LRRC4C: variants seen among roughly 807,000 people sequenced by gnomAD.
LRRC4C encodes the protein leucine-rich repeat-containing protein 4C.
Under a neutral mutation model 33.6 loss-of-function variants are expected in LRRC4C, and 5 were observed. The ratio of observed to expected loss-of-function variants is 0.15; its 90% CI spans 0.08 to 0.31. LRRC4C has a LOEUF of 0.31. Ranked by LOEUF, LRRC4C falls within the 10% of genes least tolerant of loss-of-function variation. LRRC4C has a pLI of 1.00. For synonymous variants in LRRC4C, 329 were observed against 302.0 expected, an observed-to-expected ratio of 1.09 and a Z score of -0.93; for missense variants, 560 against 796.7, an observed-to-expected ratio of 0.70 and a Z score of 3.58.
At chr11:41,317,271 A>G (rs1950824724) in intron 1 of LRRC4C, among the ~76,000 whole-genome samples, 1 of 152,140 alleles carries the variant, frequency 6.6e-6, no homozygotes, top group African/African-American at 2.4e-5. Flanking sequence ...TAACCTTAAA[A>G]TGAGAAAGAA....
At chr11:40,753,698 C>T (rs1948806337) in intron 2 of LRRC4C, among the ~76,000 whole-genome samples, 1 of 151,664 alleles carries the variant, frequency 6.6e-6, no homozygotes. Flanking sequence ...AATTGTTTTT[C>T]CTATTGGGTA....
intron 3 of LRRC4C, among the ~76,000 whole-genome samples, chr11:40,553,920 T>TGTG (rs748052285): frequency 0.03 from 4,602 of 152,180 alleles, 176 homozygotes; most frequent in African/African-American, 0.094. Context: ...AGTTTCTTTT[T>TGTG]TGTGTGTGTG....
intron 2 of LRRC4C, among the ~76,000 whole-genome samples, chr11:40,875,350 CAAAT>C (rs768450138): frequency 1.3e-5 from 2 of 152,054 alleles, no homozygotes; most frequent in Non-Finnish European, 2.9e-5. Context: ...TTAAAATTCT[CAAAT>C]AAGAAAGCAG....
At chr11:40,813,682 C>T (rs1198980983) in intron 2 of LRRC4C, among the ~76,000 whole-genome samples, 1 of 151,990 alleles carries the variant, frequency 6.6e-6, no homozygotes. Flanking sequence ...GTCTCATCTG[C>T]CTATGATCCT....
intron 5 of LRRC4C, among the ~76,000 whole-genome samples, chr11:40,194,958 G>A (rs1303674461): frequency 1.3e-5 from 2 of 152,004 alleles, no homozygotes; most frequent in Admixed American, 6.5e-5. Context: ...GGGTGTGGTG[G>A]CGGGAGCCTG....
intron 3 of LRRC4C, among the ~76,000 whole-genome samples, chr11:40,642,900 CA>C (rs1942211297): frequency 6.6e-6 from 1 of 152,106 alleles, no homozygotes; most frequent in East Asian, 1.9e-4. Context: ...AAAATATCTA[CA>C]AAAATGCTTC....
chr11:41,396,271 G>A (rs573745195), intron 1 of LRRC4C, among the ~76,000 whole-genome samples: 5 of 152,138 alleles, frequency 3.3e-5, no homozygotes, highest in African/African-American at 1.2e-4. Context: ...CTAAAAACAA[G>A]AAGTTGTGGT....
At chr11:40,753,938 A>G (rs1270276194) in intron 2 of LRRC4C, among the ~76,000 whole-genome samples, 1 of 152,006 alleles carries the variant, frequency 6.6e-6, no homozygotes, top group Non-Finnish European at 1.5e-5. Flanking sequence ...ATATGTGTGT[A>G]TATGTATATA....
intron 1 of LRRC4C, among the ~76,000 whole-genome samples, chr11:40,949,429 T>A (rs1457512989): frequency 2.6e-5 from 4 of 151,948 alleles, no homozygotes; most frequent in Non-Finnish European, 5.9e-5. Flanking sequence ...TTCACCAAAG[T>A]TGAAATGAAG....
chr11:41,227,084 G>C (rs1354890775), intron 1 of LRRC4C, among the ~76,000 whole-genome samples: 3 of 151,892 alleles, frequency 2.0e-5, no homozygotes, highest in African/African-American at 4.8e-5. Context: ...TAATTTAACT[G>C]TCACCAGCAT....
intron 2 of LRRC4C, among the ~76,000 whole-genome samples, chr11:40,885,393 A>AC (rs567683598): frequency 2.8e-4 from 42 of 152,204 alleles, no homozygotes; most frequent in Non-Finnish European, 4.9e-4. Flanking sequence ...ACCAGGCCAC[A>AC]CCCACTGTAT....
intron 1 of LRRC4C, among the ~76,000 whole-genome samples, chr11:41,332,774 G>A (rs1951336172): frequency 6.6e-6 from 1 of 152,068 alleles, no homozygotes; most frequent in Admixed American, 6.6e-5. Flanking sequence ...GCAACTTGGG[G>A]TTTGCCTCAT....
intron 2 of LRRC4C, among the ~76,000 whole-genome samples, chr11:40,657,600 A>G (rs1053896197): frequency 3.3e-5 from 5 of 152,188 alleles, no homozygotes; most frequent in Non-Finnish European, 5.9e-5. Context: ...CCTATCTGTG[A>G]CCTGGAAGGC....
intron 1 of LRRC4C, among the ~76,000 whole-genome samples, chr11:41,458,447 G>A (rs1956237569): frequency 6.7e-6 from 1 of 149,316 alleles, no homozygotes; most frequent in Non-Finnish European, 1.5e-5. Flanking sequence ...GAACACAGAC[G>A]TTATCACAAT....
intron 3 of LRRC4C, among the ~76,000 whole-genome samples, chr11:40,510,132 G>A (rs1955238272): frequency 6.6e-6 from 1 of 151,070 alleles, no homozygotes; most frequent in Admixed American, 6.6e-5. Context: ...CGAAATAAGT[G>A]TCTGACATAG....
At chr11:41,361,323 C>A (rs1565612035) in intron 1 of LRRC4C, among the ~76,000 whole-genome samples, 1 of 152,188 alleles carries the variant, frequency 6.6e-6, no homozygotes, top group Non-Finnish European at 1.5e-5. Context: ...CCATCAACTT[C>A]ATTTTCTTGT....
At chr11:41,124,388 G>C (rs899577569) in intron 1 of LRRC4C, among the ~76,000 whole-genome samples, 2 of 152,086 alleles carry the variant, frequency 1.3e-5, no homozygotes, top group African/African-American at 4.8e-5. Context: ...TATAAGCCAC[G>C]GTCTTTAAGT....
chr11:40,656,599 A>G (rs986102876), intron 2 of LRRC4C, among the ~76,000 whole-genome samples: 1 of 152,024 alleles, frequency 6.6e-6, no homozygotes, highest in Non-Finnish European at 1.5e-5. Flanking sequence ...CGCTCTCGAG[A>G]GACTTTCCCT....
chr11:40,164,398 T>A (rs914072920), intron 5 of LRRC4C, among the ~76,000 whole-genome samples: 1 of 152,182 alleles, frequency 6.6e-6, no homozygotes, highest in African/African-American at 2.4e-5. Flanking sequence ...TGCACCACTA[T>A]GCCCGGCTAA....
Sources: allele counts gnomAD v4.1 joint callset (sites outside exome capture counted in the v4.1 genomes callset), GRCh38; gene constraint gnomAD v4.1.1; transcripts MANE v1.5; gene names NCBI Gene and HGNC (gene_info 2026-07-23, HGNC 2026-07-21).